UBE3C: variants seen among roughly 807,000 people sequenced by gnomAD.
UBE3C encodes ubiquitin protein ligase E3C.
UBE3C carries 42 observed loss-of-function variants against 129.4 expected under a neutral mutation model. The observed-to-expected ratio is 0.32, with a 90% confidence interval of 0.25 to 0.42. The LOEUF is 0.42. Ranked by LOEUF, UBE3C falls within the 10% of genes least tolerant of loss-of-function variation. The probability of loss-of-function intolerance (pLI) is 1.00; values close to 1 mark genes in which losing one functional copy is unlikely to be tolerated. For missense variants in UBE3C, 1,049 were observed against 1,319.1 expected, an observed-to-expected ratio of 0.80 and a Z score of 3.17; for synonymous variants, 510 against 492.4, an observed-to-expected ratio of 1.04 and a Z score of -0.47.
intron 2 of UBE3C, chr7:157,164,378 A>T (rs1294283873): frequency 2.2e-6 from 1 of 456,446 alleles, no homozygotes; most frequent in Admixed American, 2.4e-5. Flanking sequence ...GCTGATTTCA[A>T]ACTATGGCCT....
intron 1 of UBE3C, among the ~76,000 whole-genome samples, chr7:157,153,724 C>G (rs976920050): frequency 1.2e-4 from 19 of 152,172 alleles, no homozygotes; most frequent in Non-Finnish European, 2.8e-4. Context: ...AACTTTTCCT[C>G]CCGGCACTCT....
intron 11 of UBE3C, among the ~76,000 whole-genome samples, chr7:157,205,954 C>T (rs533932180): frequency 5.9e-5 from 9 of 152,278 alleles, no homozygotes; most frequent in African/African-American, 2.2e-4. Flanking sequence ...GAACAAGTGG[C>T]CTTACCTTCT....
intron 2 of UBE3C, among the ~76,000 whole-genome samples, chr7:157,165,853 A>G (rs1048234440): frequency 2.6e-5 from 4 of 152,134 alleles, no homozygotes; most frequent in Admixed American, 6.5e-5. Flanking sequence ...CAGTAATTGG[A>G]TCTTCCGTGG....
chr7:157,206,256 C>A (rs1015572477), intron 11 of UBE3C, among the ~76,000 whole-genome samples: 7 of 152,102 alleles, frequency 4.6e-5, no homozygotes, highest in Admixed American at 2.6e-4. Flanking sequence ...TATCGTAGCT[C>A]TTTTTTATTT....
chr7:157,220,805 A>C lies in UBE3C; in HGVS notation c.2002+29A>C, dbSNP rs200049102. ...AGTTCTCTAGGACACAGGGTTACTGAGGTATGAATTACATGCTGTCAAATT... is the reference window on the plus strand; with the variant it reads ...AGTTCTCTAGGACACAGGGTTACTGCGGTATGAATTACATGCTGTCAAATT... On this transcript the variant is annotated intron_variant, in intron 15 of 22. Coordinates refer to ENST00000348165, the MANE Select transcript of UBE3C (RefSeq NM_014671.3). 3.1e-5 allele frequency: 50 copies of C among 1,610,240 alleles called. No individual in the cohort carries two copies. In the East Asian group the frequency reaches 1.1e-3, roughly 35 times the overall value.
chr7:157,165,585 G>A (rs1393691813), intron 2 of UBE3C, among the ~76,000 whole-genome samples: 3 of 152,032 alleles, frequency 2.0e-5, no homozygotes, highest in Non-Finnish European at 4.4e-5. Flanking sequence ...TTTTAGTAGA[G>A]ATGGGGTTTT....
intron 14 of UBE3C, among the ~76,000 whole-genome samples, chr7:157,218,288 T>C (rs1292436773): frequency 2.0e-5 from 3 of 151,472 alleles, no homozygotes; most frequent in Non-Finnish European, 2.9e-5. Context: ...TCTACTAAAA[T>C]AAAAAAATTA....
chr7:157,159,690 A>T (rs1197581096), intron 1 of UBE3C, among the ~76,000 whole-genome samples: 2 of 152,216 alleles, frequency 1.3e-5, no homozygotes, highest in African/African-American at 4.8e-5. Context: ...CAACATGGTG[A>T]AACCTTGTCT....
chr7:157,140,001 C>T (rs1807393182), intron 1 of UBE3C: 11 of 985,432 alleles, frequency 1.1e-5, no homozygotes, highest in Non-Finnish European at 1.3e-5. Context: ...TTGTGATCGA[C>T]ATTAAGTTGT....
chr7:157,229,754 A>G (rs1393950157), intron 17 of UBE3C, among the ~76,000 whole-genome samples: 1 of 152,108 alleles, frequency 6.6e-6, no homozygotes, highest in African/African-American at 2.4e-5. Flanking sequence ...AGCTGGAATT[A>G]CAGGCACATA....
At chr7:157,159,439 A>G (rs733483) in intron 1 of UBE3C, among the ~76,000 whole-genome samples, 26,817 of 152,156 alleles carry the variant, frequency 0.18, 4,196 homozygotes, top group African/African-American at 0.43. Context: ...TAATATGTGA[A>G]TATTACCAAG....
At chr7:157,154,780 G>C (rs1249773586) in intron 1 of UBE3C, among the ~76,000 whole-genome samples, 1 of 152,206 alleles carries the variant, frequency 6.6e-6, no homozygotes, top group Non-Finnish European at 1.5e-5. Flanking sequence ...AAGGAGTGGA[G>C]AAGGAACAAA....
chr7:157,265,857 C>T (rs1229158615), intron 22 of UBE3C, among the ~76,000 whole-genome samples: 1 of 152,168 alleles, frequency 6.6e-6, no homozygotes, highest in Non-Finnish European at 1.5e-5. Flanking sequence ...CTTTAAATAC[C>T]AGAACGTCAT....
rs1205007289 is a variant in UBE3C at position 157,171,684 on chromosome 7, ATATTTTTTTTTTTTTTTTTTT to A, written c.342+1236_342+1256del. ...TTTATATATATATATATATATATAT[ATATTTTTTTTTTTTTTTTTTT>A]TTTTTTTTTTTTTTTTTTTGAGACA... On this transcript the variant is annotated intron_variant, in intron 4 of 22. Transcript: ENST00000348165. Among the ~76,000 whole-genome samples, 249 of 54,624 alleles carry A rather than the reference ATATTTTTTTTTTTTTTTTTTT, an allele frequency of 4.6e-3. 7 individuals are homozygous for A. Among genetic ancestry groups the A allele is most frequent in the Middle Eastern group, 0.025 (3 of 120 alleles). The allele number at this position is 54,624 out of a possible 152,430, so 35.8% of individuals were successfully genotyped here.
At chr7:157,193,582 C>T (rs1439766858) in intron 10 of UBE3C, among the ~76,000 whole-genome samples, 1 of 152,100 alleles carries the variant, frequency 6.6e-6, no homozygotes, top group Non-Finnish European at 1.5e-5. Flanking sequence ...TTTAATCTAT[C>T]CCACTATGTG....
intron 1 of UBE3C, among the ~76,000 whole-genome samples, chr7:157,157,411 T>G (rs994831801): frequency 3.3e-5 from 5 of 152,102 alleles, no homozygotes; most frequent in African/African-American, 1.2e-4. Flanking sequence ...GATAATCAAA[T>G]GAAAAAATTA....
chr7:157,152,234 G>A (rs1807775889), intron 1 of UBE3C, among the ~76,000 whole-genome samples: 1 of 152,070 alleles, frequency 6.6e-6, no homozygotes, highest in South Asian at 2.1e-4. Context: ...CAGGGAGAGA[G>A]CTGGGGGAAA....
Position 157,267,481 on chromosome 7 carries a change from G to T in UBE3C, c.3082-104G>T, listed in dbSNP as rs1407579578. ...GTTTCGGGAAAATGTGACTGCAATG[G>T]TAACTTTACTGATTGGAGCAGGCAC... On this transcript the variant is annotated intron_variant, in intron 22 of 22. Transcript: ENST00000348165. 8.1e-6 allele frequency: 11 copies of T among 1,364,564 alleles called. No homozygotes were observed. The South Asian group carries it at 1.3e-4, about 16-fold the overall frequency. 84.5% of individuals were successfully genotyped at this position (1,364,564 alleles called of 1,614,324 possible). A position where few individuals can be genotyped will look rare whatever the true frequency, so the allele number is the denominator to read the frequency against.
At position 157,246,570 on chromosome 7, in the gene UBE3C, T is replaced by C. The variant is rs941200090; in HGVS notation, c.2482-1798T>C. ...TGGGTAGCACCATAGCACTTGAATC[T>C]TAAAACAGTAGGATAAAGAGGGTCT... On this transcript the variant is annotated intron_variant, in intron 18 of 22. Transcript: ENST00000348165. Among the ~76,000 whole-genome samples, 6 of 152,328 alleles carry C rather than the reference T, an allele frequency of 3.9e-5. No homozygotes were observed. In the East Asian group the frequency reaches 1.2e-3, roughly 29 times the overall value.
Sources: allele counts gnomAD v4.1 joint callset (sites outside exome capture counted in the v4.1 genomes callset), GRCh38; gene constraint gnomAD v4.1.1; transcripts MANE v1.5; gene names NCBI Gene and HGNC (gene_info 2026-07-23, HGNC 2026-07-21).